Variants in NID1 observed in about 807,000 individuals in gnomAD.
The protein encoded by NID1 is nidogen 1.
In NID1, 76 loss-of-function variants were observed where a neutral mutation model predicts 130.6. The ratio of observed to expected loss-of-function variants is 0.58; its 90% confidence interval spans 0.48 to 0.70. The LOEUF is 0.70. Among genes scored for constraint, NID1 ranks in the 30% least tolerant of loss-of-function variants. The pLI is 0.00. For synonymous variants in NID1, 665 were observed against 675.1 expected, an observed-to-expected ratio of 0.98 and a Z score of 0.23; for missense variants, 1,517 against 1,664.8, an observed-to-expected ratio of 0.91 and a Z score of 1.54.
At chr1:236,064,713 G>T (rs927058467) in intron 1 of NID1, 142 bp downstream of exon 1, 1 of 716,492 alleles carries the variant, frequency 1.4e-6, no homozygotes, top group African/African-American at 1.9e-5. Flanking sequence ...GCAGAGGCGG[G>T]AGACCCTGCG....
intron 5 of NID1, among the ~76,000 whole-genome samples, chr1:236,036,527 GAA>G (rs1199462475): frequency 6.6e-6 from 1 of 152,138 alleles, no homozygotes; most frequent in African/African-American, 2.4e-5. Context: ...AACACACAAG[GAA>G]AATGACCCAC....
chr1:236,017,932 A>C (rs1161923278), intron 9 of NID1, among the ~76,000 whole-genome samples: 3 of 152,216 alleles, frequency 2.0e-5, no homozygotes, highest in African/African-American at 7.2e-5. Flanking sequence ...TATTAAATAT[A>C]CTTTCAAATC....
intron 10 of NID1, among the ~76,000 whole-genome samples, chr1:236,016,304 C>T (rs576049684): frequency 1.1e-4 from 16 of 152,268 alleles, no homozygotes; most frequent in South Asian, 8.3e-4. Flanking sequence ...CCTCACCCCA[C>T]GACCTTGGCA....
chr1:236,036,165 T>C (rs1659253921), intron 5 of NID1, among the ~76,000 whole-genome samples: 1 of 152,162 alleles, frequency 6.6e-6, no homozygotes, highest in Admixed American at 6.5e-5. Context: ...AAGCTTCTCC[T>C]GGGATGGAGA....
At chr1:236,002,540 A>G (rs1177723764) in intron 12 of NID1, among the ~76,000 whole-genome samples, 4 of 152,046 alleles carry the variant, frequency 2.6e-5, no homozygotes, top group Non-Finnish European at 4.4e-5. Context: ...ACAAAAAATG[A>G]CGATAAATCT....
At chr1:235,986,118 G>A (rs543105058) in intron 14 of NID1, among the ~76,000 whole-genome samples, 1 of 152,268 alleles carries the variant, frequency 6.6e-6, no homozygotes, top group African/African-American at 2.4e-5. Context: ...GTTTGGAAGA[G>A]CAAAAGTTTT....
intron 1 of NID1, among the ~76,000 whole-genome samples, chr1:236,057,660 T>C (rs556444511): frequency 1.3e-3 from 189 of 147,076 alleles, no homozygotes; most frequent in Non-Finnish European, 2.2e-3. Flanking sequence ...ATCTCGCCAC[T>C]GCACTCCAGC....
chr1:235,984,109 G>A (rs529028396), intron 15 of NID1, among the ~76,000 whole-genome samples: 6 of 152,156 alleles, frequency 3.9e-5, no homozygotes, highest in South Asian at 2.1e-4. Flanking sequence ...TGCTTACAGC[G>A]TTCTTGGATG....
chr1:236,056,891 GA>G (rs35411911), intron 1 of NID1, among the ~76,000 whole-genome samples: 31 of 141,294 alleles, frequency 2.2e-4, no homozygotes, highest in South Asian at 4.4e-4. Context: ...CTGAGTCCAG[GA>G]AAAAAAAAAA....
chr1:235,983,869 G>T (rs192248393), intron 15 of NID1, among the ~76,000 whole-genome samples: 53 of 152,126 alleles, frequency 3.5e-4, no homozygotes, highest in African/African-American at 1.2e-3. Flanking sequence ...CCTGGGATCC[G>T]GGCTGTTATG....
chr1:236,015,625 T>G (rs1198828469), intron 10 of NID1, among the ~76,000 whole-genome samples: 1 of 108,412 alleles, frequency 9.2e-6, no homozygotes, highest in Admixed American at 1.2e-4. Context: ...CCAGCCTGGG[T>G]GACAATAGCA....
rs762070239 is a variant in NID1 at position 236,064,923 on chromosome 1, C to G, written c.157G>C (p.Val53Leu). The change falls in exon 1 of 20, where the codon GTC becomes CTC. Residue 53 changes from valine (V) to leucine (L), a missense_variant. Transcript: ENST00000264187. The stretch of plus-strand genomic sequence containing the variant: ...CCACTCAGCTCCAGGGCAGGAGAGA[C>G]GAAGTCATCCCCGTCCTCCAGCTCC... ...DLELEDGDDF[V>L]SPALELSGAL... The G allele has an allele frequency of 6.2e-7, 1 of 1,611,622 alleles. No homozygotes were observed. The highest frequency in any genetic ancestry group is 1.3e-5 in the African/African-American group (1 of 74,892).
chr1:236,038,928 AAT>A (rs1442787775), intron 4 of NID1, among the ~76,000 whole-genome samples: 1 of 141,926 alleles, frequency 7.0e-6, no homozygotes, highest in African/African-American at 2.6e-5. Flanking sequence ...ACATATATGT[AAT>A]ATATATTAAA....
At position 235,993,747 on chromosome 1, in the gene NID1, C is replaced by T. The variant is rs771299264; in HGVS notation, c.2653G>A (p.Ala885Thr). 9.3e-6 allele frequency: 15 copies of T among 1,613,570 alleles called. No homozygotes were observed. The highest frequency in any genetic ancestry group is 7.6e-6 in the Non-Finnish European group (9 of 1,179,762). ...GTGCTGCCGTGGCACTGGGTGGGCG[C>T]GTAGTGCCCGTGCGCATCGCACTCA... ...VPECDAHGHY[A>T]PTQCHGSTGY... The change falls in exon 13 of 20, where the codon GCG (alanine) becomes ACG (threonine). Residue 885 changes from alanine (A) to threonine (T), a missense_variant. Physicochemically the swap from Ala to Thr is moderately conservative, Grantham distance 58. Transcript: ENST00000264187.
intron 12 of NID1, among the ~76,000 whole-genome samples, chr1:235,999,377 C>A (rs760491413): frequency 6.6e-6 from 1 of 151,902 alleles, no homozygotes; most frequent in Non-Finnish European, 1.5e-5. Flanking sequence ...GGAACCTCAA[C>A]TGTACTCAGG....
rs1657298676 is a variant in NID1 at position 235,977,487 on chromosome 1, G to A, written c.*380C>T. The A allele has an allele frequency of 1.2e-5, 2 of 173,320 alleles. No homozygotes were observed. Among genetic ancestry groups the A allele is most frequent in the African/African-American group, 4.7e-5 (2 of 42,124 alleles). The allele number at this position is 173,320 out of a possible 1,614,324, so 10.7% of individuals were successfully genotyped here. Reference sequence around the variant, plus strand: ...AGGACGGTGGGTACCTCAAAGCGAGGCTGAGCTCATAAGGCCACAGGGAAG... The same window carrying A: ...AGGACGGTGGGTACCTCAAAGCGAGACTGAGCTCATAAGGCCACAGGGAAG... On this transcript the variant is annotated 3_prime_UTR_variant, in exon 20 of 20. Coordinates refer to ENST00000264187, the MANE Select transcript of NID1 (RefSeq NM_002508.3).
intron 7 of NID1, among the ~76,000 whole-genome samples, chr1:236,026,732 C>A (rs1353979557): frequency 6.9e-6 from 1 of 144,980 alleles, no homozygotes; most frequent in Non-Finnish European, 1.5e-5. Flanking sequence ...ATGGTGATTT[C>A]TTTTTCATTT....
chr1:236,032,965 T>G (rs1187509751), intron 5 of NID1, among the ~76,000 whole-genome samples: 1 of 152,104 alleles, frequency 6.6e-6, no homozygotes, highest in Non-Finnish European at 1.5e-5. Context: ...AGAAGAAGAA[T>G]ATCAGGGGTG....
In NID1 at chr1:236,029,728, A is replaced by C; in HGVS notation, c.1560T>G (p.Ala520=). The change falls in exon 7 of 20, where the codon GCT becomes GCG. Residue 520 remains alanine (A), a synonymous_variant. Coordinates refer to ENST00000264187, the MANE Select transcript of NID1 (RefSeq NM_002508.3). ...CCGGGTGCCCCACGAAGGTCACCTCAGCCTGGCGAGTGAACTCACCCCCTG... is the reference window on the plus strand; with the variant it reads ...CCGGGTGCCCCACGAAGGTCACCTCCGCCTGGCGAGTGAACTCACCCCCTG... ...SITGGEFTRQ[A]EVTFVGHPGN... 6.2e-7 allele frequency: 1 copy of C among 1,614,140 alleles called. No individual in the cohort carries two copies. Among genetic ancestry groups the C allele is most frequent in the Non-Finnish European group, 8.5e-7 (1 of 1,180,026 alleles).
Sources: allele counts gnomAD v4.1 joint callset (sites outside exome capture counted in the v4.1 genomes callset), GRCh38; gene constraint gnomAD v4.1.1; transcripts MANE v1.5; gene names NCBI Gene and HGNC (gene_info 2026-07-23, HGNC 2026-07-21).